Variants in PDE4D observed in about 807,000 individuals in gnomAD.
The protein encoded by PDE4D is phosphodiesterase 4D, also known as 3',5'-cyclic-AMP phosphodiesterase 4D.
In PDE4D, 24 loss-of-function variants were observed where a neutral mutation model predicts 87.4. The observed-to-expected ratio is 0.27, with a 90% confidence interval of 0.20 to 0.39. PDE4D has a LOEUF of 0.39. Ranked by LOEUF, PDE4D falls within the 10% of genes least tolerant of loss-of-function variation. The probability of loss-of-function intolerance (pLI) is 1.00; values close to 1 mark genes in which losing one functional copy is unlikely to be tolerated. For missense variants in PDE4D, 714 were observed against 1,041.0 expected, an observed-to-expected ratio of 0.69 and a Z score of 4.32; for synonymous variants, 384 against 383.2, an observed-to-expected ratio of 1.00 and a Z score of -0.02.
chr5:59,541,841 G>T (rs531910185), intron 1 of PDE4D, among the ~76,000 whole-genome samples: 3 of 152,234 alleles, frequency 2.0e-5, no homozygotes, highest in African/African-American at 7.2e-5. Context: ...CCCATTATAA[G>T]GATTTTAATT....
chr5:59,592,403 C>A (rs1826040053), intron 1 of PDE4D, among the ~76,000 whole-genome samples: 1 of 152,126 alleles, frequency 6.6e-6, no homozygotes, highest in Non-Finnish European at 1.5e-5. Context: ...GTAGCTACTA[C>A]ATTCAATTTC....
At chr5:59,245,384 C>T (rs1298735170) in intron 1 of PDE4D, among the ~76,000 whole-genome samples, 1 of 152,124 alleles carries the variant, frequency 6.6e-6, no homozygotes, top group East Asian at 1.9e-4. Flanking sequence ...ATCATATAAG[C>T]CTCCTTGAGG....
At chr5:60,119,078 C>T (rs934502732) in intron 2 of PDE4D, among the ~76,000 whole-genome samples, 2 of 152,164 alleles carry the variant, frequency 1.3e-5, no homozygotes, top group African/African-American at 4.8e-5. Context: ...AAAATTATTA[C>T]TACCAACAGC....
upstream of PDE4D, among the ~76,000 whole-genome samples, chr5:59,897,614 C>G (rs372207827): frequency 1.3e-5 from 2 of 152,038 alleles, no homozygotes; most frequent in African/African-American, 4.8e-5. Flanking sequence ...ATCCCACCCC[C>G]CGACAGGCCC....
At chr5:60,433,783 C>T (rs375093997) in intron 1 of PDE4D, among the ~76,000 whole-genome samples, 49 of 152,296 alleles carry the variant, frequency 3.2e-4, no homozygotes, top group African/African-American at 1.0e-3. Context: ...AACATGTATG[C>T]GGCTGGAGGC....
intron 1 of PDE4D, among the ~76,000 whole-genome samples, chr5:59,414,090 T>A (rs1314343803): frequency 6.6e-6 from 1 of 152,250 alleles, no homozygotes; most frequent in Non-Finnish European, 1.5e-5. Flanking sequence ...TTTTAGAAGC[T>A]ACATGATTAC....
At chr5:59,677,431 T>C (rs1371410497) in intron 1 of PDE4D, among the ~76,000 whole-genome samples, 1 of 152,200 alleles carries the variant, frequency 6.6e-6, no homozygotes, top group Non-Finnish European at 1.5e-5. Flanking sequence ...GTCACACTAA[T>C]AGAGACAGCA....
intron 5 of PDE4D, among the ~76,000 whole-genome samples, chr5:59,108,965 G>GTC (rs1772133299): frequency 1.4e-5 from 2 of 142,380 alleles, no homozygotes; most frequent in South Asian, 2.2e-4. Flanking sequence ...ATGTGTGTGT[G>GTC]TGTGTGTGTG....
At chr5:60,147,132 A>G (rs1007256046) in intron 2 of PDE4D, among the ~76,000 whole-genome samples, 3 of 152,108 alleles carry the variant, frequency 2.0e-5, no homozygotes, top group African/African-American at 7.2e-5. Context: ...GCCCTATAGG[A>G]AAAAAAAGAA....
At chr5:59,333,291 C>A (rs1393200320) in intron 1 of PDE4D, among the ~76,000 whole-genome samples, 1 of 152,180 alleles carries the variant, frequency 6.6e-6, no homozygotes, top group South Asian at 2.1e-4. Context: ...TGAAGGGCAG[C>A]ATTTTTCTTT....
At chr5:59,187,735 A>G (rs1743245806) in intron 3 of PDE4D, among the ~76,000 whole-genome samples, 1 of 152,122 alleles carries the variant, frequency 6.6e-6, no homozygotes, top group Non-Finnish European at 1.5e-5. Context: ...ATTATTTCCT[A>G]GGCATGCCAG....
At chr5:59,257,960 A>G (rs1035506540) in intron 1 of PDE4D, among the ~76,000 whole-genome samples, 1 of 151,992 alleles carries the variant, frequency 6.6e-6, no homozygotes, top group African/African-American at 2.4e-5. Flanking sequence ...AGTCAAAGAC[A>G]AACACTGGAG....
chr5:60,454,139 CT>C, intron 1 of PDE4D, among the ~76,000 whole-genome samples: 1 of 152,234 alleles, frequency 6.6e-6, no homozygotes, highest in East Asian at 1.9e-4. Flanking sequence ...TGCGACAACT[CT>C]GAAACTGTAT....
At chr5:59,017,861 T>C (rs1466010669) in intron 6 of PDE4D, among the ~76,000 whole-genome samples, 4 of 152,194 alleles carry the variant, frequency 2.6e-5, no homozygotes, top group African/African-American at 9.7e-5. Context: ...TTAAAAGTGG[T>C]ACAATAATAA....
intron 1 of PDE4D, among the ~76,000 whole-genome samples, chr5:60,368,901 G>T (rs1476712485): frequency 6.6e-6 from 1 of 152,116 alleles, no homozygotes; most frequent in Admixed American, 6.6e-5. Flanking sequence ...GCAGAACCAT[G>T]AGCCAATTAA....
rs1347624588 is a variant in PDE4D at position 59,762,262 on chromosome 5, G to A, written c.455+130906C>T. Among the ~76,000 whole-genome samples, 4 of 42,760 alleles carry A rather than the reference G, an allele frequency of 9.4e-5. No homozygotes were observed. The East Asian group carries it at 1.4e-3, about 15-fold the overall frequency. The allele number at this position is 42,760 out of a possible 152,430, so 28.1% of individuals were successfully genotyped here. A position where few individuals can be genotyped will look rare whatever the true frequency, so the allele number is the denominator to read the frequency against. ...TATGTGTATATGGGTACACATATGC[G>A]TATATGTGTATATGGGTACACATAT... On this transcript the variant is annotated intron_variant, in intron 1 of 14. Transcript: ENST00000340635.
chr5:59,162,690 A>T (rs1215578201), intron 5 of PDE4D, among the ~76,000 whole-genome samples: 4 of 150,672 alleles, frequency 2.7e-5, no homozygotes, highest in African/African-American at 7.3e-5. Flanking sequence ...AAAAAAAAAA[A>T]TTAAAAATTA....
intron 1 of PDE4D, among the ~76,000 whole-genome samples, chr5:60,259,940 C>T (rs1233602895): frequency 1.3e-5 from 2 of 151,428 alleles, no homozygotes; most frequent in African/African-American, 4.9e-5. Flanking sequence ...GGGTTAGCGG[C>T]ACTAAAGCAT....
intron 1 of PDE4D, among the ~76,000 whole-genome samples, chr5:60,213,768 C>T (rs1402674097): frequency 6.6e-6 from 1 of 152,142 alleles, no homozygotes; most frequent in Non-Finnish European, 1.5e-5. Context: ...TCATTGGCAC[C>T]TGTCCTCCAT....
Sources: allele counts gnomAD v4.1 joint callset (sites outside exome capture counted in the v4.1 genomes callset), GRCh38; gene constraint gnomAD v4.1.1; transcripts MANE v1.5; gene names NCBI Gene and HGNC (gene_info 2026-07-23, HGNC 2026-07-21).